NEK11: variants seen among roughly 807,000 people sequenced by gnomAD.
The protein encoded by NEK11 is NIMA related kinase 11.
A neutral mutation model predicts 80.7 loss-of-function variants in NEK11; 72 were observed. The ratio of observed to expected loss-of-function variants is 0.89; its 90% CI spans 0.74 to 1.08. The LOEUF (loss-of-function observed/expected upper bound fraction) is 1.08, where lower values mean the gene tolerates loss of function less well. Ranked by LOEUF, NEK11 falls within the 50% of genes least tolerant of loss-of-function variation. The pLI, the probability that NEK11 is intolerant of heterozygous loss-of-function variation, is 0.00. For synonymous variants in NEK11, 251 were observed against 260.7 expected (o/e 0.96, Z 0.36); for missense variants, 764 against 763.6 (o/e 1.00, Z -0.01).
chr3:131,285,134 T>A (rs2096455184), intron 17 of NEK11, among the ~76,000 whole-genome samples: 1 of 152,232 alleles, frequency 6.6e-6, no homozygotes, highest in African/African-American at 2.4e-5. Flanking sequence ...AACTTCAAAC[T>A]AATCATTAGG....
At chr3:131,050,252 GA>G (rs2068145038) in intron 3 of NEK11, among the ~76,000 whole-genome samples, 1 of 152,184 alleles carries the variant, frequency 6.6e-6, no homozygotes, top group Non-Finnish European at 1.5e-5. Flanking sequence ...ATATCCAACA[GA>G]TCATCAGGAG....
At chr3:131,152,785 G>GT in intron 9 of NEK11, 76 bp downstream of exon 9, 1 of 1,019,436 alleles carries the variant, frequency 9.8e-7, no homozygotes. Context: ...AAGATATGCA[G>GT]TGGGGATATG....
At chr3:131,329,392 A>G (rs2097031805) in intron 17 of NEK11, 1 of 151,820 alleles carries the variant, frequency 6.6e-6, no homozygotes, top group South Asian at 2.1e-4. Context: ...CAAGACATCT[A>G]CTCATTCATC....
At position 131,203,741 on chromosome 3, in the gene NEK11, A is replaced by G. The variant is rs1290961176; in HGVS notation, c.1400-24787A>G. 2.1e-4 allele frequency among the ~76,000 whole-genome samples: 17 copies of G among 80,742 alleles called. 1 individual carries two copies. Among genetic ancestry groups the G allele is most frequent in the African/African-American group, 6.0e-4 (13 of 21,764 alleles). The allele number at this position is 80,742 out of a possible 152,430, so 53.0% of individuals were successfully genotyped here. A position where few individuals can be genotyped will look rare whatever the true frequency, so the allele number is the denominator to read the frequency against. ...ATATTTGTATATTATATATGTGTAT[A>G]TATATATGTGTGTGTGTGTGTGTGT... On this transcript the variant is annotated intron_variant, in intron 14 of 17. Transcript: ENST00000383366.
chr3:131,141,943 T>C (rs962212235), intron 7 of NEK11, among the ~76,000 whole-genome samples: 1 of 152,220 alleles, frequency 6.6e-6, no homozygotes, highest in African/African-American at 2.4e-5. Flanking sequence ...AGAGGAATGA[T>C]GTATCAGTCA....
At chr3:131,171,141 G>C (rs1288662514) in intron 14 of NEK11, among the ~76,000 whole-genome samples, 2 of 152,178 alleles carry the variant, frequency 1.3e-5, no homozygotes, top group African/African-American at 4.8e-5. Flanking sequence ...TTCTGGGTGG[G>C]TTAAACACTG....
chr3:131,130,015 A>G (rs1309640861), intron 5 of NEK11, among the ~76,000 whole-genome samples: 1 of 152,210 alleles, frequency 6.6e-6, no homozygotes, highest in Non-Finnish European at 1.5e-5. Context: ...CTATTGATCA[A>G]TTTGGAAAGA....
chr3:131,232,979 GGGAAGGAAGGAAGGAAGGAAGGAA>G (rs55987547), intron 15 of NEK11, among the ~76,000 whole-genome samples: 46 of 132,738 alleles, frequency 3.5e-4, no homozygotes, highest in Admixed American at 9.5e-4. Context: ...TATATTTGAG[GGGAAGGAAGGAAGGAAGGAAGGAA>G]GGAAGGAAGG....
chr3:131,226,747 G>A (rs1486443884), intron 14 of NEK11, among the ~76,000 whole-genome samples: 1 of 151,984 alleles, frequency 6.6e-6, no homozygotes, highest in East Asian at 1.9e-4. Context: ...TACTCGGTGA[G>A]GGTGCACTAA....
chr3:131,028,530 A>G (rs1468397662), intron 2 of NEK11, among the ~76,000 whole-genome samples: 1 of 152,012 alleles, frequency 6.6e-6, no homozygotes, highest in Non-Finnish European at 1.5e-5. Context: ...ACCTACTCAT[A>G]TGAAACAGTC....
intron 11 of NEK11, 49 bp from the exon 12 acceptor site, chr3:131,165,377 G>A (rs767402473): frequency 8.7e-7 from 1 of 1,153,266 alleles, no homozygotes; most frequent in Non-Finnish European, 1.3e-6. Flanking sequence ...ATATAGACAT[G>A]GTTTTAGCAA....
chr3:131,046,851 C>T (rs1409514341), intron 3 of NEK11, among the ~76,000 whole-genome samples: 1 of 152,176 alleles, frequency 6.6e-6, no homozygotes, highest in Non-Finnish European at 1.5e-5. Flanking sequence ...CTAGCAAGGC[C>T]AGGTAAGTTT....
At chr3:131,126,203 T>C (rs1018952281) in intron 5 of NEK11, among the ~76,000 whole-genome samples, 2 of 152,322 alleles carry the variant, frequency 1.3e-5, no homozygotes, top group African/African-American at 4.8e-5. Flanking sequence ...AAATTATTAA[T>C]TAGTGCTACC....
chr3:131,277,526 G>A (rs1292630033), intron 17 of NEK11, among the ~76,000 whole-genome samples: 1 of 152,208 alleles, frequency 6.6e-6, no homozygotes, highest in Admixed American at 6.5e-5. Flanking sequence ...TACTTAGTGT[G>A]TGACAGTTTA....
chr3:131,185,273 A>T (rs113478846), intron 14 of NEK11, among the ~76,000 whole-genome samples: 418 of 152,290 alleles, frequency 2.7e-3, no homozygotes, highest in African/African-American at 9.5e-3. Context: ...AAGAGCTGTA[A>T]TAGGGTAAAG....
At chr3:131,050,115 A>G (rs904848677) in intron 3 of NEK11, among the ~76,000 whole-genome samples, 1 of 152,214 alleles carries the variant, frequency 6.6e-6, no homozygotes, top group Admixed American at 6.5e-5. Context: ...CATTAACCAG[A>G]CTCACTCCAG....
chr3:131,247,129 C>A (rs1443882000), intron 16 of NEK11, among the ~76,000 whole-genome samples: 1 of 152,000 alleles, frequency 6.6e-6, no homozygotes, highest in Admixed American at 6.6e-5. Context: ...TTAATTAAGT[C>A]CCATCTATTT....
chr3:131,293,224 T>G (rs935325437), intron 17 of NEK11, among the ~76,000 whole-genome samples: 1 of 152,166 alleles, frequency 6.6e-6, no homozygotes, highest in African/African-American at 2.4e-5. Context: ...ACTATAAGTT[T>G]TTTGTAGATA....
intron 10 of NEK11, among the ~76,000 whole-genome samples, chr3:131,159,758 C>A: frequency 1.5e-5 from 1 of 65,430 alleles, no homozygotes. Context: ...GAATGAGACT[C>A]CATCTCCAAA....
Sources: gnomAD v4.1 joint callset for allele counts (sites outside exome capture counted in the v4.1 genomes callset) on GRCh38, gnomAD v4.1.1 for gene constraint, MANE v1.5 for transcripts, NCBI Gene and HGNC (gene_info 2026-07-23, HGNC 2026-07-21) for gene names.